Variants in SPHKAP observed in about 807,000 individuals in gnomAD.
SPHKAP encodes the protein A-kinase anchor protein SPHKAP.
In SPHKAP, 67 loss-of-function variants were observed where a neutral mutation model predicts 137.5. The observed-to-expected ratio is 0.49, with a 90% confidence interval of 0.40 to 0.60. The LOEUF is 0.60. SPHKAP is among the 20% of genes least tolerant of loss of function. The probability of loss-of-function intolerance (pLI) is 0.00; values close to 1 mark genes in which losing one functional copy is unlikely to be tolerated. For synonymous variants in SPHKAP, 813 were observed against 785.3 expected, an observed-to-expected ratio of 1.04 and a Z score of -0.59; for missense variants, 2,097 against 2,069.3, an observed-to-expected ratio of 1.01 and a Z score of -0.26.
At chr2:228,015,830 A>C (rs1294868519) in intron 7 of SPHKAP, among the ~76,000 whole-genome samples, 1 of 152,120 alleles carries the variant, frequency 6.6e-6, no homozygotes, top group African/African-American at 2.4e-5. Context: ...GAAAGGAGAG[A>C]CTCTATGGAG....
At chr2:228,076,073 A>C (rs1420610442) in intron 3 of SPHKAP, among the ~76,000 whole-genome samples, 1 of 152,144 alleles carries the variant, frequency 6.6e-6, no homozygotes, top group African/African-American at 2.4e-5. Flanking sequence ...TGATAATTCT[A>C]AAAATGGGAG....
intron 2 of SPHKAP, among the ~76,000 whole-genome samples, chr2:228,114,906 G>A (rs778390394): frequency 6.6e-6 from 1 of 152,106 alleles, no homozygotes; most frequent in Non-Finnish European, 1.5e-5. Context: ...CTCTGACTGT[G>A]ATAAAGGAAA....
chr2:228,110,554 A>G (rs914312128), intron 2 of SPHKAP, among the ~76,000 whole-genome samples: 1 of 152,238 alleles, frequency 6.6e-6, no homozygotes, highest in Non-Finnish European at 1.5e-5. Flanking sequence ...AGCATGGGCT[A>G]GGACCTATCA....
chr2:227,999,515 C>A (rs944109059), intron 7 of SPHKAP, among the ~76,000 whole-genome samples: 1 of 152,134 alleles, frequency 6.6e-6, no homozygotes, highest in Non-Finnish European at 1.5e-5. Flanking sequence ...TTTCCTGGAC[C>A]AATTTCTTAT....
intron 1 of SPHKAP, among the ~76,000 whole-genome samples, chr2:228,136,275 C>T (rs150758980): frequency 2.2e-3 from 340 of 152,302 alleles, no homozygotes; most frequent in African/African-American, 7.6e-3. Context: ...TAAGCACAAC[C>T]TTTCAAACTG....
chr2:228,057,540 G>A (rs567498411), intron 3 of SPHKAP, among the ~76,000 whole-genome samples: 48 of 152,274 alleles, frequency 3.2e-4, no homozygotes, highest in Non-Finnish European at 5.9e-4. Flanking sequence ...AAGAGGAGAG[G>A]AGAGGAAAGT....
At chr2:228,050,622 TTTTG>T (rs1696220396) in intron 3 of SPHKAP, among the ~76,000 whole-genome samples, 1 of 152,210 alleles carries the variant, frequency 6.6e-6, no homozygotes, top group African/African-American at 2.4e-5. Context: ...AATATTTATA[TTTTG>T]TTTATGCTAG....
chr2:228,164,695 A>G (rs1243517167), intron 1 of SPHKAP, among the ~76,000 whole-genome samples: 2 of 152,050 alleles, frequency 1.3e-5, no homozygotes, highest in Non-Finnish European at 2.9e-5. Context: ...TTCAGGTCTC[A>G]TTGTCACTCA....
intron 3 of SPHKAP, among the ~76,000 whole-genome samples, chr2:228,095,654 T>A (rs1011924182): frequency 7.2e-5 from 11 of 152,106 alleles, no homozygotes; most frequent in South Asian, 4.1e-4. Context: ...AATTTTTTTT[T>A]AATTTGGTAG....
rs185715197 is a variant in SPHKAP, at chr2:228,018,042, C to T, written c.2812G>A (p.Val938Ile). 1.1e-5 allele frequency: 18 copies of T among 1,613,994 alleles called. No homozygotes were observed. The East Asian group carries it at 1.6e-4, about 14-fold the overall frequency. ...GCTGCAATTTCAGTTGCCATGGAGACGACCGTGTCTGCTAATTCTTCCGCA... is the reference window on the plus strand; with the variant it reads ...GCTGCAATTTCAGTTGCCATGGAGATGACCGTGTCTGCTAATTCTTCCGCA... ...DFAEELADTV[V>I]SMATEIAAIC... The change falls in exon 7 of 12, where the codon GTC becomes ATC. Residue 938 changes from valine to isoleucine, a missense_variant. By Grantham distance (29) the Val-to-Ile change is conservative. Transcript: ENST00000392056.
At chr2:228,126,313 A>G (rs1699074894) in intron 2 of SPHKAP, among the ~76,000 whole-genome samples, 1 of 152,190 alleles carries the variant, frequency 6.6e-6, no homozygotes, top group East Asian at 1.9e-4. Context: ...TTAGGGTGAC[A>G]TAGAGGTTAG....
intron 1 of SPHKAP, among the ~76,000 whole-genome samples, chr2:228,139,910 TTTTC>T (rs368274825): frequency 0.1 from 13,726 of 137,574 alleles, 871 homozygotes; most frequent in Middle Eastern, 0.15. Flanking sequence ...TCTTTATTTA[TTTTC>T]TTTCTTTCTT....
At position 228,044,574 on chromosome 2, in the gene SPHKAP, C is replaced by G. The variant is rs1695963400; in HGVS notation, c.247-17031G>C. 2.0e-5 allele frequency among the ~76,000 whole-genome samples: 3 copies of G among 152,012 alleles called. No individual in the cohort carries two copies. In the South Asian group the frequency reaches 6.2e-4, roughly 31 times the overall value. On this transcript the variant is annotated intron_variant, in intron 3 of 11. Transcript: ENST00000392056. The stretch of plus-strand genomic sequence containing the variant: ...CAGACTGCCAAGTGTTGAGAGGTAA[C>G]TCACTTTTCAAAAAAAATGACCATT...
rs549105334 is a variant in SPHKAP, at chr2:228,018,422, T to A, written c.2432A>T (p.Gln811Leu). The part of the protein sequence containing the change: ...RPGLFKNPTL[Q>L]SQLSRSHRVP... Reference sequence around the variant, plus strand: ...TCTGTGACTACGTGATAATTGTGACTGCAGCGTGGGGTTCTTGAAGAGGCC... The same window carrying A: ...TCTGTGACTACGTGATAATTGTGACAGCAGCGTGGGGTTCTTGAAGAGGCC... Residue 811 changes from glutamine (Q) to leucine (L), a missense_variant, in exon 7 of 12, where the codon CAG (glutamine) becomes CTG (leucine). Physicochemically the swap from Gln to Leu is moderately radical, Grantham distance 113. Transcript: ENST00000392056. The A allele has an allele frequency of 2.5e-6, 4 of 1,613,944 alleles. No individual in the cohort carries two copies. In the African/African-American group the frequency reaches 5.3e-5, roughly 22 times the overall value.
At chr2:227,990,178 G>A (rs1243081493) in intron 11 of SPHKAP, among the ~76,000 whole-genome samples, 1 of 152,166 alleles carries the variant, frequency 6.6e-6, no homozygotes, top group African/African-American at 2.4e-5. Context: ...TGCCCAGTCA[G>A]GCTAATGCCT....
chr2:228,144,578 T>C (rs1699713836), intron 1 of SPHKAP, among the ~76,000 whole-genome samples: 1 of 152,026 alleles, frequency 6.6e-6, no homozygotes, highest in Non-Finnish European at 1.5e-5. Context: ...ATATATACTA[T>C]TTTGTGACTA....
chr2:228,105,747 T>C (rs1698322239), intron 3 of SPHKAP, among the ~76,000 whole-genome samples: 1 of 152,148 alleles, frequency 6.6e-6, no homozygotes, highest in Non-Finnish European at 1.5e-5. Flanking sequence ...TTTCCCCTTT[T>C]GCTTGGTTCT....
intron 11 of SPHKAP, among the ~76,000 whole-genome samples, chr2:227,984,299 CA>C (rs61461358): frequency 0.029 from 1,516 of 52,842 alleles, 17 homozygotes; most frequent in African/African-American, 0.081. Flanking sequence ...GACTCCATCT[CA>C]AAAAAAAAAA....
chr2:227,991,194 G>A lies in SPHKAP; in HGVS notation c.4775-10C>T. On this transcript the variant is annotated splice_polypyrimidine_tract_variant and intron_variant, in intron 10 of 11. Coordinates refer to ENST00000392056, the MANE Select transcript of SPHKAP (RefSeq NM_001142644.2). Reference sequence around the variant, plus strand: ...GGTCCAGATGCAGGTGCTGAGAACAGACACAACCACAGCCTTATCCTTCTT... The same window carrying A: ...GGTCCAGATGCAGGTGCTGAGAACAAACACAACCACAGCCTTATCCTTCTT... The A allele has an allele frequency of 1.9e-6, 3 of 1,614,122 alleles. No homozygotes were observed. In the South Asian group the frequency reaches 3.3e-5, roughly 18 times the overall value.
Sources: gnomAD v4.1 joint callset for allele counts (sites outside exome capture counted in the v4.1 genomes callset) on GRCh38, gnomAD v4.1.1 for gene constraint, MANE v1.5 for transcripts, NCBI Gene and HGNC (gene_info 2026-07-23, HGNC 2026-07-21) for gene names.